Variants in MIB1 observed in about 807,000 individuals in gnomAD.
MIB1 encodes MIB E3 ubiquitin protein ligase 1, also known as E3 ubiquitin-protein ligase MIB1.
A neutral mutation model predicts 124.5 loss-of-function variants in MIB1; 278 were observed. That is an observed-to-expected ratio of 2.23 (90% CI 2.02 to 2.47). The LOEUF (loss-of-function observed/expected upper bound fraction) is 2.47, where lower values mean the gene tolerates loss of function less well. MIB1 is among the 30% of genes most tolerant of loss of function. The pLI, the probability that MIB1 is intolerant of heterozygous loss-of-function variation, is 0.00. For missense variants in MIB1, 957 were observed against 1,254.4 expected (o/e 0.76, Z 3.58); for synonymous variants, 446 against 429.4 (o/e 1.04, Z -0.48).
chr18:21,742,301 C>A (rs1190561894), intron 1 of MIB1, among the ~76,000 whole-genome samples: 1 of 147,440 alleles, frequency 6.8e-6, no homozygotes, highest in African/African-American at 2.5e-5. Flanking sequence ...TTTTAACCTC[C>A]TGTGACACAG....
chr18:21,822,595 T>C (rs537087388), intron 12 of MIB1, among the ~76,000 whole-genome samples: 1 of 152,348 alleles, frequency 6.6e-6, no homozygotes, highest in African/African-American at 2.4e-5. Flanking sequence ...GTGATTTTAA[T>C]TGGACACTGA....
intron 1 of MIB1, among the ~76,000 whole-genome samples, chr18:21,750,198 C>G (rs1473217389): frequency 6.6e-6 from 1 of 152,152 alleles, no homozygotes; most frequent in African/African-American, 2.4e-5. Flanking sequence ...GGCATGATCT[C>G]AGCTCACTGC....
chr18:21,856,670 G>C (rs2042231951), intron 18 of MIB1, among the ~76,000 whole-genome samples: 1 of 152,162 alleles, frequency 6.6e-6, no homozygotes, highest in South Asian at 2.1e-4. Flanking sequence ...TGGCACACTT[G>C]TACCTATGTA....
Position 21,845,037 on chromosome 18 carries a change from G to A in MIB1, c.2211+784G>A, listed in dbSNP as rs141216349. ...CATTCTTTTTTTTTTTTGAGATGGA[G>A]TCTCGCTCTGTCGCCCAGGCTGGAG... is the stretch of plus-strand genomic sequence containing the variant. On this transcript the variant is annotated intron_variant, in intron 15 of 20. Transcript: ENST00000261537. Among the ~76,000 whole-genome samples the A allele has an allele frequency of 1.4e-3, 210 of 151,230 alleles. 1 individual carries two copies. Among genetic ancestry groups the A allele is most frequent in the Middle Eastern group, 0.01 (3 of 294 alleles).
intron 12 of MIB1, among the ~76,000 whole-genome samples, chr18:21,835,772 GAAAAA>G (rs372315844): frequency 7.3e-5 from 6 of 82,654 alleles, no homozygotes; most frequent in African/African-American, 8.6e-5. Context: ...TCCATCTCAA[GAAAAA>G]AAAAAAAATA....
intron 10 of MIB1, among the ~76,000 whole-genome samples, chr18:21,809,799 T>C (rs754343157): frequency 6.6e-6 from 1 of 152,098 alleles, no homozygotes; most frequent in Non-Finnish European, 1.5e-5. Flanking sequence ...GAACATGATA[T>C]TCAATGGTGA....
chr18:21,799,835 T>G lies in MIB1; in HGVS notation c.1238-6T>G. ...TATATTAGCAGCTTTATTTGATGCTTTACAGAAAGACTCTCACAACTCCTG... is the reference window on the plus strand; with the variant it reads ...TATATTAGCAGCTTTATTTGATGCTGTACAGAAAGACTCTCACAACTCCTG... On this transcript the variant is annotated splice_region_variant and splice_polypyrimidine_tract_variant and intron_variant, in intron 8 of 20. Transcript: ENST00000261537. The G allele has an allele frequency of 6.2e-7, 1 of 1,608,536 alleles. No individual in the cohort carries two copies. Among genetic ancestry groups the G allele is most frequent in the Non-Finnish European group, 8.5e-7 (1 of 1,176,582 alleles).
Position 21,768,649 on chromosome 18 carries a change from C to CT in MIB1, c.429dup (p.Lys144Ter). On this transcript the variant is annotated frameshift_variant, in exon 3 of 21. Transcript: ENST00000261537. LOFTEE classifies it high-confidence loss of function. Reference sequence around the variant, plus strand: ...GTTCTGTTAGAGTCTCGTAGGAAATCTAAGAAGATTACAGCCAGAGGAATC... The same window carrying CT: ...GTTCTGTTAGAGTCTCGTAGGAAATCTTAAGAAGATTACAGCCAGAGGAATC... The CT allele has an allele frequency of 2.5e-6, 4 of 1,587,940 alleles. No individual in the cohort carries two copies. The highest frequency in any genetic ancestry group is 1.3e-5 in the African/African-American group (1 of 74,578).
chr18:21,772,231 A>G (rs907404507), intron 3 of MIB1, among the ~76,000 whole-genome samples: 1 of 152,224 alleles, frequency 6.6e-6, no homozygotes, highest in East Asian at 1.9e-4. Flanking sequence ...TTTTAAGTGT[A>G]TACCTTGAAA....
intron 7 of MIB1, among the ~76,000 whole-genome samples, chr18:21,794,325 C>A (rs1256494723): frequency 1.3e-5 from 2 of 151,694 alleles, no homozygotes. Flanking sequence ...GAACACAGAG[C>A]AGAGCAAATA....
At chr18:21,763,982 G>A (rs886344045) in intron 1 of MIB1, among the ~76,000 whole-genome samples, 1 of 151,782 alleles carries the variant, frequency 6.6e-6, no homozygotes, top group Non-Finnish European at 1.5e-5. Flanking sequence ...CCAGACTGGA[G>A]TGCAGTGGCA....
chr18:21,726,487 G>A (rs959688056), intron 1 of MIB1, among the ~76,000 whole-genome samples: 1 of 152,138 alleles, frequency 6.6e-6, no homozygotes, highest in Non-Finnish European at 1.5e-5. Flanking sequence ...ATCTTGTCCT[G>A]AATTTGTGTA....
chr18:21,742,630 A>C (rs913206548), intron 1 of MIB1, among the ~76,000 whole-genome samples: 2 of 152,182 alleles, frequency 1.3e-5, no homozygotes, highest in Admixed American at 1.3e-4. Context: ...AGAGTTTCTA[A>C]ATGATTAAAC....
upstream of MIB1, among the ~76,000 whole-genome samples, chr18:21,740,387 AAC>A (rs746041376): frequency 5.7e-4 from 87 of 152,358 alleles, no homozygotes; most frequent in Non-Finnish European, 1.1e-3. Flanking sequence ...TCAGCTTAAA[AAC>A]ACACTACTAA....
At chr18:21,734,653 C>T (rs1036429659) in intron 1 of MIB1, among the ~76,000 whole-genome samples, 4 of 151,216 alleles carry the variant, frequency 2.6e-5, no homozygotes, top group South Asian at 2.1e-4. Flanking sequence ...CTCAGCCTCC[C>T]GAGTAGCTGG....
chr18:21,798,367 A>T (rs1159243270), intron 8 of MIB1, 139 bp downstream of exon 8: 2 of 839,244 alleles, frequency 2.4e-6, no homozygotes, highest in Non-Finnish European at 3.5e-6. Context: ...TTGAATGTTG[A>T]CCACCTTTTA....
intron 6 of MIB1, among the ~76,000 whole-genome samples, chr18:21,787,882 T>C (rs1279575659): frequency 1.3e-5 from 2 of 152,104 alleles, no homozygotes; most frequent in Non-Finnish European, 2.9e-5. Flanking sequence ...TAAAATTGTA[T>C]GCACTTCCTC....
intron 1 of MIB1, among the ~76,000 whole-genome samples, chr18:21,749,641 C>CTTTTTTTTTTTTTTT (rs10653364): frequency 3.5e-5 from 4 of 114,558 alleles, no homozygotes; most frequent in East Asian, 2.5e-4. Context: ...CTACCTTACT[C>CTTTTTTTTTTTTTTT]TTTTTTTTTT....
chr18:21,856,303 G>T (rs761098335), intron 18 of MIB1, among the ~76,000 whole-genome samples: 7 of 151,524 alleles, frequency 4.6e-5, no homozygotes, highest in Non-Finnish European at 8.8e-5. Context: ...ACATACAGTT[G>T]TGCCTAGATA....
Sources: gnomAD v4.1 joint callset for allele counts (sites outside exome capture counted in the v4.1 genomes callset) on GRCh38, gnomAD v4.1.1 for gene constraint, MANE v1.5 for transcripts, NCBI Gene and HGNC (gene_info 2026-07-23, HGNC 2026-07-21) for gene names.